Variants in CD1B observed in about 807,000 individuals in gnomAD.
The protein encoded by CD1B is T-cell surface glycoprotein CD1b.
Under a neutral mutation model 39.8 loss-of-function variants are expected in CD1B, and 43 were observed. That is an observed-to-expected ratio of 1.08 (90% CI 0.85 to 1.39). The LOEUF (loss-of-function observed/expected upper bound fraction) is 1.39, where lower values mean the gene tolerates loss of function less well. Among genes scored for constraint, CD1B ranks in the 40% most tolerant of loss-of-function variants. The pLI, the probability that CD1B is intolerant of heterozygous loss-of-function variation, is 0.00. For synonymous variants in CD1B, 192 were observed against 152.5 expected (o/e 1.26, Z -1.91); for missense variants, 495 against 403.8 (o/e 1.23, Z -1.94).
At chr1:158,289,581 G>A in the CD1B span, among the ~76,000 whole-genome samples, 1 of 152,176 alleles carries the variant, frequency 6.6e-6, no homozygotes, top group Non-Finnish European at 1.5e-5. Flanking sequence ...TCAAAAGGGG[G>A]AAAGAAAGAA....
chr1:158,299,400 T>G, the CD1B span, among the ~76,000 whole-genome samples: 1 of 152,216 alleles, frequency 6.6e-6, no homozygotes, highest in South Asian at 2.1e-4. Context: ...TTTGATGTGC[T>G]GCTGGATTTT....
the CD1B span, among the ~76,000 whole-genome samples, chr1:158,287,602 G>A: frequency 3.3e-5 from 5 of 152,202 alleles, no homozygotes; most frequent in East Asian, 7.7e-4. Flanking sequence ...CACACTTAAA[G>A]CAAATTATCT....
chr1:158,297,853 C>G, the CD1B span, among the ~76,000 whole-genome samples: 34 of 151,546 alleles, frequency 2.2e-4, no homozygotes, highest in East Asian at 6.4e-3. Context: ...GAGGATCACC[C>G]AAGCCTGGGG....
chr1:158,306,728 G>C, the CD1B span, among the ~76,000 whole-genome samples: 368 of 152,228 alleles, frequency 2.4e-3, 5 homozygotes, highest in African/African-American at 8.0e-3. Flanking sequence ...ATAACAAACT[G>C]TCTCTCAGAC....
At chr1:158,302,179 T>G in the CD1B span, among the ~76,000 whole-genome samples, 1 of 152,170 alleles carries the variant, frequency 6.6e-6, no homozygotes, top group African/African-American at 2.4e-5. Context: ...TTAAACAATT[T>G]CTGGTCCTGA....
the CD1B span, among the ~76,000 whole-genome samples, chr1:158,307,257 T>C: frequency 6.6e-6 from 1 of 152,068 alleles, no homozygotes; most frequent in East Asian, 1.9e-4. Flanking sequence ...ATATCACCAC[T>C]GATCCCACAG....
In CD1B at chr1:158,330,152, C is replaced by T. The variant is rs1364637284; in HGVS notation, c.329-22G>A. The T allele has an allele frequency of 2.6e-6, 4 of 1,562,250 alleles. No individual in the cohort carries two copies. In the South Asian group the frequency reaches 3.6e-5, roughly 14 times the overall value. The stretch of plus-strand genomic sequence containing the variant: ...GGGTCTATGTAGAGGGAAAAGAGAG[C>T]AAGTTATTAAACACAAATAAGAAAA... On this transcript the variant is annotated intron_variant, in intron 2 of 5. Transcript: ENST00000368168.
chr1:158,322,416 T>TG, the CD1B span, among the ~76,000 whole-genome samples: 673 of 139,368 alleles, frequency 4.8e-3, 6 homozygotes, highest in African/African-American at 0.018. Context: ...ATTTTTTTTC[T>TG]GTTTTTTTTT....
the CD1B span, among the ~76,000 whole-genome samples, chr1:158,285,858 G>T: frequency 1.3e-5 from 2 of 152,138 alleles, no homozygotes; most frequent in Non-Finnish European, 2.9e-5. Flanking sequence ...ACTTCAATAA[G>T]AGTTGAGGAG....
the CD1B span, among the ~76,000 whole-genome samples, chr1:158,286,849 T>C: frequency 1.1e-4 from 16 of 152,308 alleles, no homozygotes; most frequent in South Asian, 2.7e-3. Context: ...TGTTTTTTTT[T>C]CCTCACCCCT....
At chr1:158,324,510 T>G (rs902346089), downstream of CD1B, among the ~76,000 whole-genome samples, 5 of 152,194 alleles carry the variant, frequency 3.3e-5, no homozygotes, top group Admixed American at 3.3e-4. Flanking sequence ...CATAATTACA[T>G]TGATTCATCG....
chr1:158,326,224 G>A (rs993436608), downstream of CD1B, among the ~76,000 whole-genome samples: 1 of 151,996 alleles, frequency 6.6e-6, no homozygotes, highest in Non-Finnish European at 1.5e-5. Flanking sequence ...CGCCCGCCTC[G>A]GCCTCCCAAA....
chr1:158,331,250 G>T, intron 1 of CD1B, 113 bp downstream of exon 1: 1 of 1,159,370 alleles, frequency 8.6e-7, no homozygotes, highest in South Asian at 1.3e-5. Flanking sequence ...GAAGAGGGCG[G>T]GAGACAGAAA....
chr1:158,325,115 T>C (rs950703004), downstream of CD1B, among the ~76,000 whole-genome samples: 1 of 152,082 alleles, frequency 6.6e-6, no homozygotes, highest in African/African-American at 2.4e-5. Flanking sequence ...AGATAGTTAC[T>C]GAAGATAATG....
At chr1:158,317,261 G>T in the CD1B span, among the ~76,000 whole-genome samples, 1 of 151,934 alleles carries the variant, frequency 6.6e-6, no homozygotes, top group African/African-American at 2.4e-5. Context: ...TTGTACCTCT[G>T]GTAGAATTCG....
the CD1B span, among the ~76,000 whole-genome samples, chr1:158,305,142 C>T: frequency 2.9e-4 from 44 of 152,032 alleles, no homozygotes; most frequent in African/African-American, 9.9e-4. Context: ...CTACTCCGAG[C>T]TAAAAGAGGA....
chr1:158,306,659 A>C, the CD1B span, among the ~76,000 whole-genome samples: 8 of 152,340 alleles, frequency 5.3e-5, no homozygotes, highest in African/African-American at 1.9e-4. Context: ...ACTTATTCCA[A>C]AATTGACCAC....
the CD1B span, chr1:158,290,990 G>T: frequency 1.2e-6 from 1 of 824,120 alleles, no homozygotes; most frequent in East Asian, 2.7e-5. Flanking sequence ...CAGAGCATGG[G>T]GCTCTGTGTA....
At chr1:158,316,411 T>C in the CD1B span, among the ~76,000 whole-genome samples, 1 of 151,794 alleles carries the variant, frequency 6.6e-6, no homozygotes, top group Admixed American at 6.6e-5. Flanking sequence ...TTTATTCTCT[T>C]TAAAGCAATT....
Sources: gnomAD v4.1 joint callset for allele counts (sites outside exome capture counted in the v4.1 genomes callset) on GRCh38, gnomAD v4.1.1 for gene constraint, MANE v1.5 for transcripts, NCBI Gene and HGNC (gene_info 2026-07-23, HGNC 2026-07-21) for gene names.